Variants in LMNA observed in about 807,000 individuals in gnomAD.
The protein encoded by LMNA is lamin.
A neutral mutation model predicts 70.4 loss-of-function variants in LMNA; 20 were observed. The observed-to-expected ratio is 0.28, with a 90% CI of 0.20 to 0.41. The LOEUF (loss-of-function observed/expected upper bound fraction) is 0.41, where lower values mean the gene tolerates loss of function less well. Among genes scored for constraint, LMNA ranks in the 10% least tolerant of loss-of-function variants. The pLI is 1.00. For synonymous variants in LMNA, 339 were observed against 372.8 expected, an observed-to-expected ratio of 0.91 and a Z score of 1.04; for missense variants, 652 against 917.2, an observed-to-expected ratio of 0.71 and a Z score of 3.73.
At position 156,138,821 on chromosome 1, in the gene LMNA, C is replaced by A; in HGVS notation, c.1968+64C>A. On this transcript the variant is annotated intron_variant, in intron 11 of 11. Transcript: ENST00000368300. The surrounding 1 kb of genome is among the most constrained non-coding windows in gnomAD (Gnocchi z 5.5). The stretch of plus-strand genomic sequence containing the variant: ...GGTCCCTGGTCATCGAGGGGTAGGA[C>A]GAGGTGGCCTTGCAGGGGGGAGAGC... 1 of 1,603,672 alleles carries A rather than the reference C, an allele frequency of 6.2e-7. No homozygotes were observed. The highest frequency in any genetic ancestry group is 8.5e-7 in the Non-Finnish European group (1 of 1,172,902).
At chr1:156,116,482 A>G (rs974349248) in intron 1 of LMNA, among the ~76,000 whole-genome samples, 2 of 152,150 alleles carry the variant, frequency 1.3e-5, no homozygotes, top group Non-Finnish European at 2.9e-5. Context: ...GACCCAGGCC[A>G]AGAGCACTAA....
At chr1:156,125,682 C>G (rs1278073768) in intron 1 of LMNA, among the ~76,000 whole-genome samples, 2 of 150,896 alleles carry the variant, frequency 1.3e-5, no homozygotes, top group Non-Finnish European at 2.9e-5. Context: ...CAGTGAGACT[C>G]TGTCTCAAAA....
At chr1:156,097,269 C>T (rs187735690) in intron 3 of LMNA, among the ~76,000 whole-genome samples, 1 of 152,280 alleles carries the variant, frequency 6.6e-6, no homozygotes, top group East Asian at 1.9e-4. Flanking sequence ...AGCAGTGATT[C>T]ACCACAGGAA....
intron 3 of LMNA, among the ~76,000 whole-genome samples, chr1:156,105,964 A>AG (rs760360087): frequency 2.6e-5 from 4 of 151,966 alleles, no homozygotes; most frequent in Non-Finnish European, 5.9e-5. Context: ...TTAAAAAAAA[A>AG]CAGAAAACAA....
chr1:156,139,113 A>C lies in LMNA; in HGVS notation c.*7A>C. 1 of 1,613,500 alleles carries C rather than the reference A, an allele frequency of 6.2e-7. No individual in the cohort carries two copies. The highest frequency in any genetic ancestry group is 8.5e-7 in the Non-Finnish European group (1 of 1,179,882). ...GAACTGCAGCATCATGTAATCTGGG[A>C]CCTGCCAGGCAGGGGTGGGGGTGGA... On this transcript the variant is annotated 3_prime_UTR_variant, in exon 12 of 12. Transcript: ENST00000368300.
chr1:156,109,243 C>G (rs1649452183), intron 3 of LMNA, among the ~76,000 whole-genome samples: 1 of 152,198 alleles, frequency 6.6e-6, no homozygotes, highest in Non-Finnish European at 1.5e-5. Context: ...TGGGCTGAAC[C>G]CACCGGACCC....
At chr1:156,091,468 GGC>G (rs1189880169) in intron 3 of LMNA, among the ~76,000 whole-genome samples, 1 of 152,090 alleles carries the variant, frequency 6.6e-6, no homozygotes, top group East Asian at 1.9e-4. Flanking sequence ...CGGGCATGGT[GGC>G]GCATACCTGT....
rs1466382237 is a variant in LMNA, at chr1:156,114,776, C to T, written c.-143C>T. On this transcript the variant is annotated 5_prime_UTR_variant, in exon 1 of 12. Coordinates refer to ENST00000368300, the MANE Select transcript of LMNA (RefSeq NM_170707.4). ...ATCCCGAGGTCCGACAGCGCCCGGC[C>T]CAGATCCCCACGCCTGCCAGGAGCA... The T allele has an allele frequency of 4.7e-6, 3 of 633,342 alleles. No individual in the cohort carries two copies. Among genetic ancestry groups the T allele is most frequent in the South Asian group, 2.0e-5 (1 of 49,550 alleles). 39.2% of individuals were successfully genotyped at this position (633,342 alleles called of 1,614,324 possible). A position where few individuals can be genotyped will look rare whatever the true frequency, so the allele number is the denominator to read the frequency against.
Position 156,135,388 on chromosome 1 carries a change from G to A in LMNA, c.936+76G>A, listed in dbSNP as rs1651478577. ...TGCAGGCTGGAAGCCCAGGGTTGGG[G>A]GTGGGGGTGGGGGTGGGAGGTTCCT... On this transcript the variant is annotated intron_variant, in intron 5 of 11. Coordinates refer to ENST00000368300, the MANE Select transcript of LMNA (RefSeq NM_170707.4). The surrounding 1 kb of genome is among the most constrained non-coding windows in gnomAD (Gnocchi z 4.8). 5.5e-6 allele frequency: 8 copies of A among 1,463,304 alleles called. No homozygotes were observed. The highest frequency in any genetic ancestry group is 7.5e-6 in the Non-Finnish European group (8 of 1,073,652). 90.6% of individuals were successfully genotyped at this position (1,463,304 alleles called of 1,614,324 possible).
At position 156,134,239 on chromosome 1, in the gene LMNA, G is replaced by A. The variant is rs1300541420; in HGVS notation, c.514-164G>A. Among the ~76,000 whole-genome samples, 2 of 152,162 alleles carry A rather than the reference G, an allele frequency of 1.3e-5. No homozygotes were observed. Among genetic ancestry groups the A allele is most frequent in the African/African-American group, 4.8e-5 (2 of 41,440 alleles). Reference sequence around the variant, plus strand: ...TCTTAGCACAGTACCTACCAAGAGTGAGTGAGTAGATGTCCTGACCCCTGC... The same window carrying A: ...TCTTAGCACAGTACCTACCAAGAGTAAGTGAGTAGATGTCCTGACCCCTGC... On this transcript the variant is annotated intron_variant, in intron 2 of 11. Coordinates refer to ENST00000368300, the MANE Select transcript of LMNA (RefSeq NM_170707.4). The surrounding 1 kb of genome is among the most constrained non-coding windows in gnomAD (Gnocchi z 5.3).
chr1:156,122,505 T>C (rs531181478), intron 1 of LMNA, among the ~76,000 whole-genome samples: 35 of 152,368 alleles, frequency 2.3e-4, no homozygotes, highest in Non-Finnish European at 4.6e-4. Flanking sequence ...CATTTCTCTA[T>C]TTCCCCGTGA....
chr1:156,095,395 G>A (rs1301515732), intron 3 of LMNA, among the ~76,000 whole-genome samples: 3 of 152,058 alleles, frequency 2.0e-5, no homozygotes, highest in African/African-American at 4.8e-5. Flanking sequence ...AAATGACCAT[G>A]TGATACTGAA....
chr1:156,091,529 G>A (rs1013129616), intron 3 of LMNA, among the ~76,000 whole-genome samples: 1 of 152,150 alleles, frequency 6.6e-6, no homozygotes, highest in Non-Finnish European at 1.5e-5. Context: ...TTGAACCTGG[G>A]AGACAGAGGT....
At chr1:156,100,849 G>C (rs1316692436) in intron 3 of LMNA, among the ~76,000 whole-genome samples, 1 of 152,154 alleles carries the variant, frequency 6.6e-6, no homozygotes, top group African/African-American at 2.4e-5. Context: ...CCTCTAATGG[G>C]GGAAGACACA....
intron 1 of LMNA, among the ~76,000 whole-genome samples, chr1:156,128,349 T>C (rs1337078148): frequency 6.6e-6 from 1 of 152,200 alleles, no homozygotes; most frequent in Non-Finnish European, 1.5e-5. Context: ...CATGCATCTA[T>C]GTTTTCCTCA....
At chr1:156,086,476 A>C (rs1401206752) in intron 2 of LMNA, among the ~76,000 whole-genome samples, 1 of 151,700 alleles carries the variant, frequency 6.6e-6, no homozygotes, top group East Asian at 1.9e-4. Flanking sequence ...TGGGGAACAA[A>C]GGACCCTGTT....
intron 3 of LMNA, among the ~76,000 whole-genome samples, chr1:156,100,999 C>G (rs1051669368): frequency 6.6e-6 from 1 of 151,868 alleles, no homozygotes; most frequent in African/African-American, 2.4e-5. Context: ...AATGCCATGT[C>G]TGGAAAAATT....
At position 156,138,652 on chromosome 1, in the gene LMNA, G is replaced by A. The variant is rs749999967; in HGVS notation, c.1863G>A (p.Thr621=). The part of the protein sequence containing the change: ...ISSGSSASSV[T]VTRSYRSVGG... ...CTGGCTCTTCTGCCTCCAGTGTCAC[G>A]GTCACTCGCAGCTACCGCAGTGTGG... is the stretch of plus-strand genomic sequence containing the variant. The change falls in exon 11 of 12, where the codon ACG becomes ACA. Residue 621 remains threonine, a synonymous_variant. Transcript: ENST00000368300. The surrounding 1 kb of genome is among the most constrained non-coding windows in gnomAD (Gnocchi z 5.5). 13 of 1,613,502 alleles carry A rather than the reference G, an allele frequency of 8.1e-6. No individual in the cohort carries two copies. Among genetic ancestry groups the A allele is most frequent in the East Asian group, 4.5e-5 (2 of 44,862 alleles).
intron 1 of LMNA, among the ~76,000 whole-genome samples, chr1:156,117,079 A>ATTTTTTTTT (rs150049994): frequency 4.4e-5 from 5 of 112,666 alleles, no homozygotes; most frequent in Non-Finnish European, 7.2e-5. Context: ...ACACATGGCT[A>ATTTTTTTTT]TTTTTTTTTT....
Sources: gnomAD v4.1 joint callset for allele counts (sites outside exome capture counted in the v4.1 genomes callset) on GRCh38, gnomAD v4.1.1 for gene constraint, Gnocchi (gnomAD v3.1) non-coding constraint, MANE v1.5 for transcripts, NCBI Gene and HGNC (gene_info 2026-07-23, HGNC 2026-07-21) for gene names.